Variants in KATNIP observed in about 807,000 individuals in gnomAD.
KATNIP encodes katanin-interacting protein.
KATNIP carries 126 observed loss-of-function variants against 174.0 expected under a neutral mutation model. The observed-to-expected ratio is 0.72, with a 90% CI of 0.63 to 0.84. KATNIP has a LOEUF of 0.84. Ranked by LOEUF, KATNIP falls within the 40% of genes least tolerant of loss-of-function variation. The probability of loss-of-function intolerance (pLI) is 0.00; values close to 1 mark genes in which losing one functional copy is unlikely to be tolerated. For missense variants in KATNIP, 1,958 were observed against 2,109.7 expected (o/e 0.93, Z 1.41); for synonymous variants, 810 against 835.7 (o/e 0.97, Z 0.53).
chr16:27,676,421 C>T (rs1271213048), intron 6 of KATNIP, among the ~76,000 whole-genome samples: 1 of 152,128 alleles, frequency 6.6e-6, no homozygotes, highest in African/African-American at 2.4e-5. Context: ...TAAAAGTGTT[C>T]TATACACTCA....
At chr16:27,687,371 G>A (rs1263640207) in intron 8 of KATNIP, 2 of 151,912 alleles carry the variant, frequency 1.3e-5, no homozygotes, top group African/African-American at 4.8e-5. Context: ...TCCAGCAAGA[G>A]GTTGGTCTGA....
At chr16:27,743,982 A>G (rs919226168) in intron 15 of KATNIP, among the ~76,000 whole-genome samples, 1 of 152,172 alleles carries the variant, frequency 6.6e-6, no homozygotes, top group Non-Finnish European at 1.5e-5. Context: ...TTTCACTTTA[A>G]TTTCTTTCCA....
chr16:27,638,198 C>T (rs984696506), intron 5 of KATNIP, among the ~76,000 whole-genome samples: 1 of 152,186 alleles, frequency 6.6e-6, no homozygotes, highest in Admixed American at 6.5e-5. Flanking sequence ...TGACTAGAGC[C>T]CCTCAGAGAC....
At chr16:27,752,741 A>T (rs1166545875) in intron 17 of KATNIP, among the ~76,000 whole-genome samples, 1 of 151,342 alleles carries the variant, frequency 6.6e-6, no homozygotes, top group Non-Finnish European at 1.5e-5. Context: ...TTTTGTAGAG[A>T]TGTGGTCTTG....
At chr16:27,616,887 TAAAAAAAAAAAAAAAAAAAAAAA>T (rs556687403) in intron 2 of KATNIP, among the ~76,000 whole-genome samples, 5 of 31,384 alleles carry the variant, frequency 1.6e-4, no homozygotes, top group Non-Finnish European at 2.6e-4. Context: ...CCATCTCTAC[TAAAAAAAAAAAAAAAAAAAAAAA>T]AAAAAAAAAA....
At position 27,750,072 on chromosome 16, in the gene KATNIP, G is replaced by A; in HGVS notation, c.3112G>A (p.Val1038Met). Residue 1038 changes from valine to methionine, a missense_variant, in exon 16 of 28, where the codon GTG becomes ATG. Val to Met is a conservative substitution (Grantham distance 21). This residue lies in a region of KATNIP where 1,557 missense variants were observed against 1,617.8 expected (regional missense o/e 0.96). Coordinates refer to ENST00000261588, the MANE Select transcript of KATNIP (RefSeq NM_015202.5). Reference protein sequence around the residue: ...PRVVTNLIDGVNRTQDDMHVW... With the variant: ...PRVVTNLIDGMNRTQDDMHVW... Reference sequence around the variant, plus strand: ...CGTGGTCACCAACCTCATCGACGGGGTGAACAGGACCCAGGATGACATGCA... The same window carrying A: ...CGTGGTCACCAACCTCATCGACGGGATGAACAGGACCCAGGATGACATGCA... 1 of 1,614,182 alleles carries A rather than the reference G, an allele frequency of 6.2e-7. No individual in the cohort carries two copies. The highest frequency in any genetic ancestry group is 8.5e-7 in the Non-Finnish European group (1 of 1,180,034).
At position 27,590,773 on chromosome 16, in the gene KATNIP, CCACCTT is replaced by C. The variant is rs981298707; in HGVS notation, c.63+16824_63+16829del. On this transcript the variant is annotated intron_variant, in intron 2 of 27. Coordinates refer to ENST00000261588, the MANE Select transcript of KATNIP (RefSeq NM_015202.5). Reference sequence around the variant, plus strand: ...CCTCTAGGTTTGGAGCAGCCCGGGCCCACCTTCACCTTTTGCGGCTGTCCTTCTGTT... The same window carrying C: ...CCTCTAGGTTTGGAGCAGCCCGGGCCCACCTTTTGCGGCTGTCCTTCTGTT... Among the ~76,000 whole-genome samples the C allele has an allele frequency of 8.5e-4, 129 of 152,294 alleles. 1 individual carries two copies. Among genetic ancestry groups the C allele is most frequent in the Non-Finnish European group, 1.0e-3 (71 of 68,004 alleles).
intron 11 of KATNIP, among the ~76,000 whole-genome samples, chr16:27,702,839 T>A (rs1177144465): frequency 6.6e-6 from 1 of 152,090 alleles, no homozygotes; most frequent in East Asian, 1.9e-4. Flanking sequence ...TGTGTACCAT[T>A]GTGGCCATAA....
intron 2 of KATNIP, among the ~76,000 whole-genome samples, chr16:27,578,604 G>A (rs1169715363): frequency 6.6e-6 from 1 of 152,094 alleles, no homozygotes; most frequent in African/African-American, 2.4e-5. Flanking sequence ...TTGAGACATA[G>A]TCTTACTCTG....
At chr16:27,566,420 C>G (rs1200721408) in intron 1 of KATNIP, among the ~76,000 whole-genome samples, 1 of 152,088 alleles carries the variant, frequency 6.6e-6, no homozygotes, top group Admixed American at 6.6e-5. Flanking sequence ...CCTGTAATCC[C>G]AGCTACTTGG....
chr16:27,773,680 C>T (rs2082390083), intron 23 of KATNIP, among the ~76,000 whole-genome samples: 2 of 152,290 alleles, frequency 1.3e-5, no homozygotes, highest in Non-Finnish European at 2.9e-5. Flanking sequence ...TTTTAGAAAT[C>T]ACGAGGTTTC....
At chr16:27,739,128 A>G (rs1049290099) in intron 14 of KATNIP, among the ~76,000 whole-genome samples, 4 of 152,076 alleles carry the variant, frequency 2.6e-5, no homozygotes, top group African/African-American at 9.7e-5. Flanking sequence ...TCTGGTAGAG[A>G]CCCTGGTGGC....
chr16:27,598,316 C>T (rs1225118624), intron 2 of KATNIP, among the ~76,000 whole-genome samples: 15 of 152,084 alleles, frequency 9.9e-5, no homozygotes, highest in Admixed American at 9.8e-4. Context: ...CTCCCAATCC[C>T]CTCCTTCCCT....
chr16:27,637,674 G>A lies in KATNIP; in HGVS notation c.408+6512G>A, dbSNP rs75537757. ...GGCACAGGCTGAGAGGAGGCAGGGCGATCAGGACAGGGTGGCAGAAAGGGT... is the reference window on the plus strand; with the variant it reads ...GGCACAGGCTGAGAGGAGGCAGGGCAATCAGGACAGGGTGGCAGAAAGGGT... On this transcript the variant is annotated intron_variant, in intron 5 of 27. Transcript: ENST00000261588. This position sits in a 1 kb window ranked among gnomAD's most constrained non-coding sequence, Gnocchi z 4.7. Among the ~76,000 whole-genome samples the A allele has an allele frequency of 0.022, 3,327 of 152,262 alleles. 139 individuals carry two copies. Among genetic ancestry groups the A allele is most frequent in the African/African-American group, 0.076 (3,167 of 41,536 alleles).
intron 2 of KATNIP, among the ~76,000 whole-genome samples, chr16:27,612,436 A>G (rs2075916840): frequency 6.6e-6 from 1 of 152,148 alleles, no homozygotes; most frequent in Admixed American, 6.5e-5. Context: ...AGTGTGGGCC[A>G]TGAGCATTAC....
At position 27,677,844 on chromosome 16, in the gene KATNIP, A is replaced by T; in HGVS notation, c.656A>T (p.Asp219Val). 1 of 1,614,148 alleles carries T rather than the reference A, an allele frequency of 6.2e-7. No homozygotes were observed. Among genetic ancestry groups the T allele is most frequent in the South Asian group, 1.1e-5 (1 of 91,084 alleles). Reference protein sequence around the residue: ...EDILSEPEPEDPALVGHPRHD... With the variant: ...EDILSEPEPEVPALVGHPRHD... ...ATACTCTCTGAGCCTGAGCCAGAGG[A>T]CCCGGCACTGGTGGGCCATCCCAGA... The change falls in exon 7 of 28, where the codon GAC becomes GTC. Residue 219 changes from aspartate (D) to valine (V), a missense_variant. Around this residue, in one of 3 missense-constraint regions of KATNIP, gnomAD observed 1,557 missense variants for 1,617.8 expected, o/e 0.96. Coordinates refer to ENST00000261588, the MANE Select transcript of KATNIP (RefSeq NM_015202.5).
chr16:27,659,282 C>T (rs912160138), intron 6 of KATNIP, among the ~76,000 whole-genome samples: 1 of 151,978 alleles, frequency 6.6e-6, no homozygotes, highest in Non-Finnish European at 1.5e-5. Context: ...GAGGCCGAGG[C>T]AGGAGGATCA....
At chr16:27,709,126 C>T (rs1287538873) in intron 13 of KATNIP, 2 of 502,228 alleles carry the variant, frequency 4.0e-6, no homozygotes, top group Non-Finnish European at 7.1e-6. Flanking sequence ...CAAGACCAGC[C>T]TGGGCAACAA....
chr16:27,624,790 A>G (rs2142110414), intron 3 of KATNIP, among the ~76,000 whole-genome samples: 1 of 152,324 alleles, frequency 6.6e-6, no homozygotes, highest in East Asian at 1.9e-4. Flanking sequence ...ACTACACTCC[A>G]GCCTGGGCAC....
Sources: allele counts gnomAD v4.1 joint callset (sites outside exome capture counted in the v4.1 genomes callset), GRCh38; gene constraint gnomAD v4.1.1; regional missense constraint gnomAD v4.1.1; non-coding constraint Gnocchi (gnomAD v3.1); transcripts MANE v1.5; gene names NCBI Gene and HGNC (gene_info 2026-07-23, HGNC 2026-07-21).